The following FSIP1 variants were observed in gnomAD, a reference collection of about 807,000 sequenced individuals.
The protein encoded by FSIP1 is fibrous sheath-interacting protein 1.
Under a neutral mutation model 60.9 loss-of-function variants are expected in FSIP1, and 65 were observed. The ratio of observed to expected loss-of-function variants is 1.07; its 90% CI spans 0.87 to 1.31. FSIP1 has a LOEUF of 1.31. Among genes scored for constraint, FSIP1 ranks in the 40% most tolerant of loss-of-function variants. The pLI is 0.00. For missense variants in FSIP1, 675 were observed against 665.5 expected, an observed-to-expected ratio of 1.01 and a Z score of -0.16; for synonymous variants, 209 against 221.2, an observed-to-expected ratio of 0.94 and a Z score of 0.49.
chr15:39,736,110 G>A lies in FSIP1; in HGVS notation c.891+1981C>T, dbSNP rs534012363. ...GAGCTACGGTGTCACTAGGTGACAG[G>A]AATTTTTCAGCTCCATTATTATCTT... On this transcript the variant is annotated intron_variant, in intron 8 of 11. Coordinates refer to ENST00000350221, the MANE Select transcript of FSIP1 (RefSeq NM_152597.5). Among the ~76,000 whole-genome samples, 28 of 152,324 alleles carry A rather than the reference G, an allele frequency of 1.8e-4. 1 individual carries two copies. In the South Asian group the frequency reaches 2.3e-3, roughly 12 times the overall value.
chr15:39,680,677 T>A (rs990808622), intron 10 of FSIP1, among the ~76,000 whole-genome samples: 20 of 152,226 alleles, frequency 1.3e-4, no homozygotes, highest in African/African-American at 4.8e-4. Context: ...ACCTTCATTC[T>A]AGCCATGTAG....
chr15:39,664,651 A>T lies in FSIP1; in HGVS notation c.1189-46406T>A, dbSNP rs1595588987. ...ATGATGACCTTACATTTCACTGGGA[A>T]AACAAAACCCTTTAGGTAAGAGCTC... On this transcript the variant is annotated intron_variant, in intron 10 of 11. Transcript: ENST00000350221. 2.0e-5 allele frequency among the ~76,000 whole-genome samples: 3 copies of T among 152,262 alleles called. 1 individual carries two copies. The South Asian group carries it at 6.2e-4, about 32-fold the overall frequency.
At chr15:39,714,963 ACT>A (rs1355885197) in intron 9 of FSIP1, among the ~76,000 whole-genome samples, 1 of 110,822 alleles carries the variant, frequency 9.0e-6, no homozygotes, top group African/African-American at 3.3e-5. Flanking sequence ...ACAGAATGAG[ACT>A]CTGTCTCAAA....
chr15:39,732,726 GTCT>G (rs1415722356), intron 8 of FSIP1, among the ~76,000 whole-genome samples: 1 of 151,640 alleles, frequency 6.6e-6, no homozygotes, highest in Non-Finnish European at 1.5e-5. Flanking sequence ...ATATCATTTA[GTCT>G]TCTTTAAGCT....
At position 39,740,017 on chromosome 15, in the gene FSIP1, A is replaced by G. The variant is rs367899903; in HGVS notation, c.656-228T>C. Among the ~76,000 whole-genome samples the G allele has an allele frequency of 1.1e-4, 16 of 152,374 alleles. No homozygotes were observed. In the East Asian group the frequency reaches 2.1e-3, roughly 20 times the overall value. ...TCTCATAAAACTTCTTGTGTAATTC[A>G]TTATCATGTATCAAACTTCTTCCTG... On this transcript the variant is annotated intron_variant, in intron 6 of 11. Transcript: ENST00000350221.
chr15:39,778,147 G>T (rs184317777), intron 1 of FSIP1, among the ~76,000 whole-genome samples: 1 of 152,234 alleles, frequency 6.6e-6, no homozygotes, highest in African/African-American at 2.4e-5. Flanking sequence ...ATTGTGGGAT[G>T]ATGGATCACC....
chr15:39,711,675 T>C (rs562379607), intron 10 of FSIP1, among the ~76,000 whole-genome samples: 21 of 101,070 alleles, frequency 2.1e-4, no homozygotes, highest in African/African-American at 7.1e-4. Flanking sequence ...CATTCCTACT[T>C]CTTTTTTTTT....
intron 6 of FSIP1, among the ~76,000 whole-genome samples, chr15:39,741,299 C>T (rs926387803): frequency 6.6e-6 from 1 of 152,156 alleles, no homozygotes; most frequent in African/African-American, 2.4e-5. Context: ...TGGAAATGTC[C>T]TCTTCTCCTC....
chr15:39,777,600 C>T (rs1269894982), intron 1 of FSIP1, among the ~76,000 whole-genome samples: 1 of 152,202 alleles, frequency 6.6e-6, no homozygotes. Flanking sequence ...GCGATGCAGG[C>T]ACATTGATCC....
chr15:39,677,186 T>C (rs1388233765), intron 10 of FSIP1, among the ~76,000 whole-genome samples: 1 of 152,218 alleles, frequency 6.6e-6, no homozygotes, highest in African/African-American at 2.4e-5. Context: ...ATGTGATTCA[T>C]TAAATGCAAT....
intron 5 of FSIP1, among the ~76,000 whole-genome samples, chr15:39,753,885 C>G: frequency 6.6e-6 from 1 of 151,600 alleles, no homozygotes; most frequent in South Asian, 2.1e-4. Flanking sequence ...CATTAATAAC[C>G]CTTTATAAAT....
At chr15:39,615,762 T>C (rs934694066) in intron 11 of FSIP1, among the ~76,000 whole-genome samples, 4 of 143,922 alleles carry the variant, frequency 2.8e-5, no homozygotes, top group Middle Eastern at 7.3e-3. Flanking sequence ...CTCATGGAAG[T>C]GGAGAGTAGA....
chr15:39,602,251 G>T, intron 11 of FSIP1: 1 of 446,626 alleles, frequency 2.2e-6, no homozygotes. Context: ...TGTGAAGACG[G>T]AGGCAGAGAC....
intron 8 of FSIP1, among the ~76,000 whole-genome samples, chr15:39,731,211 A>G (rs1348179376): frequency 6.6e-6 from 1 of 152,234 alleles, no homozygotes; most frequent in African/African-American, 2.4e-5. Context: ...TCAGTTAGCT[A>G]AAGGCACACA....
intron 3 of FSIP1, among the ~76,000 whole-genome samples, 164 bp from the exon 4 acceptor site, chr15:39,765,910 GT>G (rs1285369167): frequency 1.3e-5 from 2 of 152,162 alleles, no homozygotes; most frequent in Non-Finnish European, 1.5e-5. Flanking sequence ...TTTCACATGT[GT>G]TTGTCTATAT....
At chr15:39,779,948 T>C (rs1178627796) in intron 1 of FSIP1, among the ~76,000 whole-genome samples, 3 of 152,264 alleles carry the variant, frequency 2.0e-5, no homozygotes, top group Non-Finnish European at 4.4e-5. Flanking sequence ...TATTTTTATG[T>C]CTAAAAATTA....
chr15:39,752,789 C>T (rs1296438331), intron 5 of FSIP1, among the ~76,000 whole-genome samples: 1 of 151,912 alleles, frequency 6.6e-6, no homozygotes, highest in Non-Finnish European at 1.5e-5. Context: ...CTGAATATAT[C>T]AATATTGGTT....
In FSIP1 at chr15:39,644,072, T is replaced by G. The variant is rs141643924; in HGVS notation, c.1189-25827A>C. ...TCCTTAGCTGAAACTCTCTATCACT[T>G]AAAATATTCTGTCAGACACCCAGTT... On this transcript the variant is annotated intron_variant, in intron 10 of 11. Coordinates refer to ENST00000350221, the MANE Select transcript of FSIP1 (RefSeq NM_152597.5). Among the ~76,000 whole-genome samples, 41 of 152,300 alleles carry G rather than the reference T, an allele frequency of 2.7e-4. No individual in the cohort carries two copies. The East Asian group carries it at 7.7e-3, about 29-fold the overall frequency.
chr15:39,748,442 T>C (rs908604855), intron 5 of FSIP1, among the ~76,000 whole-genome samples: 6 of 152,184 alleles, frequency 3.9e-5, no homozygotes, highest in African/African-American at 9.6e-5. Context: ...GTATTAATCA[T>C]ATTACAGGCA....
Sources: gnomAD v4.1 joint callset for allele counts (sites outside exome capture counted in the v4.1 genomes callset) on GRCh38, gnomAD v4.1.1 for gene constraint, MANE v1.5 for transcripts, NCBI Gene and HGNC (gene_info 2026-07-23, HGNC 2026-07-21) for gene names.